Variants in NOX4 observed in about 807,000 individuals in gnomAD.
NOX4 encodes kidney oxidase-1.
Under a neutral mutation model 87.6 loss-of-function variants are expected in NOX4, and 69 were observed. The observed-to-expected ratio is 0.79, with a 90% CI of 0.65 to 0.96. The LOEUF (loss-of-function observed/expected upper bound fraction) is 0.96. Ranked by LOEUF, NOX4 falls within the 40% of genes least tolerant of loss-of-function variation. The pLI is 0.00. For synonymous variants in NOX4, 275 were observed against 238.2 expected (o/e 1.15, Z -1.42); for missense variants, 680 against 681.5 (o/e 1.00, Z 0.02).
At chr11:89,442,843 T>A (rs1048117488) in intron 5 of NOX4, among the ~76,000 whole-genome samples, 1 of 152,056 alleles carries the variant, frequency 6.6e-6, no homozygotes, top group Non-Finnish European at 1.5e-5. Context: ...TTAAAGTTAT[T>A]AAAGACATGA....
intron 12 of NOX4, among the ~76,000 whole-genome samples, chr11:89,370,288 T>A (rs1939346290): frequency 6.6e-6 from 1 of 151,942 alleles, no homozygotes. Flanking sequence ...ACAAGTCCTT[T>A]ATTGAATATT....
chr11:89,466,635 A>G (rs1945709079), intron 2 of NOX4, among the ~76,000 whole-genome samples: 1 of 152,214 alleles, frequency 6.6e-6, no homozygotes, highest in African/African-American at 2.4e-5. Flanking sequence ...ATAGTGAACT[A>G]AAAACATAAA....
At chr11:89,481,855 GAAGAAAGTATAT>G (rs1946402911) in intron 2 of NOX4, among the ~76,000 whole-genome samples, 1 of 152,018 alleles carries the variant, frequency 6.6e-6, no homozygotes, top group Admixed American at 6.6e-5. Flanking sequence ...GCATTGCCCA[GAAGAAAGTATAT>G]ACAACTATGA....
At chr11:89,418,823 T>C (rs1018797898) in intron 8 of NOX4, among the ~76,000 whole-genome samples, 2 of 151,970 alleles carry the variant, frequency 1.3e-5, no homozygotes, top group African/African-American at 4.8e-5. Context: ...GATCAAGATA[T>C]CTTTTCAGCT....
the NOX4 span, among the ~76,000 whole-genome samples, chr11:89,509,322 A>T: frequency 6.6e-6 from 1 of 152,076 alleles, no homozygotes; most frequent in Non-Finnish European, 1.5e-5. Flanking sequence ...AATTGACTTC[A>T]TTGGAACAAA....
chr11:89,538,618 T>G, the NOX4 span, among the ~76,000 whole-genome samples: 4 of 151,902 alleles, frequency 2.6e-5, no homozygotes, highest in Non-Finnish European at 5.9e-5. Flanking sequence ...CAGAATGATA[T>G]GGAAATGACC....
At chr11:89,357,326 T>C (rs990503601) in intron 12 of NOX4, among the ~76,000 whole-genome samples, 1 of 152,070 alleles carries the variant, frequency 6.6e-6, no homozygotes, top group Non-Finnish European at 1.5e-5. Context: ...TCCAAAAAAA[T>C]ACTCTGTGTT....
At chr11:89,334,184 A>G (rs1945601916) in intron 17 of NOX4, among the ~76,000 whole-genome samples, 1 of 151,684 alleles carries the variant, frequency 6.6e-6, no homozygotes, top group Non-Finnish European at 1.5e-5. Flanking sequence ...AAATGGCACT[A>G]AAGAGGAACA....
chr11:89,343,029 C>G (rs538876732), intron 13 of NOX4, among the ~76,000 whole-genome samples: 1 of 152,118 alleles, frequency 6.6e-6, no homozygotes, highest in South Asian at 2.1e-4. Context: ...TGGCCACTGC[C>G]CCCTCCTTCC....
chr11:89,572,441 T>C, the NOX4 span, among the ~76,000 whole-genome samples: 1 of 152,272 alleles, frequency 6.6e-6, no homozygotes, highest in Admixed American at 6.5e-5. Flanking sequence ...TTTATGAATA[T>C]ACATTATGAC....
the NOX4 span, among the ~76,000 whole-genome samples, chr11:89,503,844 T>C: frequency 6.8e-6 from 1 of 146,884 alleles, no homozygotes; most frequent in South Asian, 2.3e-4. Context: ...AATTGAGCAA[T>C]ACACTTTGGG....
At chr11:89,329,625 C>A (rs923671614) in intron 17 of NOX4, among the ~76,000 whole-genome samples, 3 of 151,762 alleles carry the variant, frequency 2.0e-5, no homozygotes, top group African/African-American at 7.3e-5. Context: ...AGACACATTA[C>A]AAATCATCAA....
rs540973110 is a variant in NOX4, at chr11:89,358,943, A to C, written c.1136-3900T>G. Among the ~76,000 whole-genome samples the C allele has an allele frequency of 5.9e-5, 9 of 152,142 alleles. No homozygotes were observed. In the South Asian group the frequency reaches 6.2e-4, roughly 11 times the overall value. Reference sequence around the variant, plus strand: ...TCATTAAAGCCACTGGAAAAAAAAAAACAGGATTTTCTGCGAAGTGATACC... The same window carrying C: ...TCATTAAAGCCACTGGAAAAAAAAACACAGGATTTTCTGCGAAGTGATACC... On this transcript the variant is annotated intron_variant, in intron 12 of 17. Transcript: ENST00000263317.
chr11:89,473,454 C>A lies in NOX4; in HGVS notation c.153+17004G>T, dbSNP rs1346252184. On this transcript the variant is annotated intron_variant, in intron 2 of 17. Transcript: ENST00000263317. ...AGAAGCCAAAAAGATATACTGGTGG[C>A]CTGAATAAACAAAAAAAAAAATGAG... 4.1e-5 allele frequency among the ~76,000 whole-genome samples: 6 copies of A among 146,304 alleles called. No homozygotes were observed. The South Asian group carries it at 1.4e-3, about 33-fold the overall frequency.
chr11:89,374,852 C>T (rs549605313), intron 11 of NOX4, among the ~76,000 whole-genome samples: 2 of 152,178 alleles, frequency 1.3e-5, no homozygotes, highest in East Asian at 1.9e-4. Context: ...CTGTGATTAG[C>T]GATTGGGTTA....
intron 13 of NOX4, among the ~76,000 whole-genome samples, chr11:89,347,009 C>G (rs998644388): frequency 6.6e-6 from 1 of 152,158 alleles, no homozygotes. Flanking sequence ...AGTCAGAATA[C>G]TACCTTTTAG....
Position 89,449,521 on chromosome 11 carries a change from G to C in NOX4, c.268C>G (p.Pro90Ala), listed in dbSNP as rs1203910418. ...LAYLRGSQKVPSRRTRRLLDK... is the reference protein window; with the variant it reads ...LAYLRGSQKVASRRTRRLLDK... ...AACAATCTCCTGGTTCTCCTGCTTG[G>C]AACCTAAACAAAAATCATTTAATAT... Residue 90 changes from proline to alanine, a missense_variant, in exon 4 of 18, where the codon CCA becomes GCA. Transcript: ENST00000263317. 23 of 1,608,500 alleles carry C rather than the reference G, an allele frequency of 1.4e-5. No individual in the cohort carries two copies. Among genetic ancestry groups the C allele is most frequent in the Non-Finnish European group, 1.7e-5 (20 of 1,176,360 alleles).
At chr11:89,571,858 G>A in the NOX4 span, among the ~76,000 whole-genome samples, 1 of 152,074 alleles carries the variant, frequency 6.6e-6, no homozygotes, top group Non-Finnish European at 1.5e-5. Context: ...TGTGGACAAA[G>A]GACAGACGGA....
rs146987428 is a variant in NOX4 at position 89,329,243 on chromosome 11, A to G, written c.1617-2367T>C. On this transcript the variant is annotated intron_variant, in intron 17 of 17. Transcript: ENST00000263317. The stretch of plus-strand genomic sequence containing the variant: ...CTAGAGATGGAATGCAATATTTGAA[A>G]TGATAAATATACTAGATGAGTTAAT... Among the ~76,000 whole-genome samples the G allele has an allele frequency of 7.5e-3, 1,140 of 151,764 alleles. 13 individuals carry two copies. The highest frequency in any genetic ancestry group is 0.025 in the African/African-American group (1,044 of 41,346).
Sources: gnomAD v4.1 joint callset for allele counts (sites outside exome capture counted in the v4.1 genomes callset) on GRCh38, gnomAD v4.1.1 for gene constraint, MANE v1.5 for transcripts, NCBI Gene and HGNC (gene_info 2026-07-23, HGNC 2026-07-21) for gene names.